Variants in SPOCK3 observed in about 807,000 individuals in gnomAD.
SPOCK3 encodes the protein SPARC (osteonectin), cwcv and kazal like domains proteoglycan 3.
SPOCK3 carries 30 observed loss-of-function variants against 56.6 expected under a neutral mutation model. The observed-to-expected ratio is 0.53, with a 90% CI of 0.40 to 0.72. The LOEUF (loss-of-function observed/expected upper bound fraction) is 0.72. Ranked by LOEUF, SPOCK3 falls within the 30% of genes least tolerant of loss-of-function variation. SPOCK3 has a pLI of 0.00. For synonymous variants in SPOCK3, 196 were observed against 183.3 expected, an observed-to-expected ratio of 1.07 and a Z score of -0.56; for missense variants, 527 against 530.0, an observed-to-expected ratio of 0.99 and a Z score of 0.06.
At chr4:166,856,800 C>A (rs551720161) in intron 6 of SPOCK3, among the ~76,000 whole-genome samples, 7 of 151,394 alleles carry the variant, frequency 4.6e-5, no homozygotes, top group Non-Finnish European at 8.8e-5. Context: ...ATCTATCTAT[C>A]TATCTATCTA....
At chr4:167,209,478 T>G (rs1221384021) in intron 2 of SPOCK3, among the ~76,000 whole-genome samples, 1 of 152,096 alleles carries the variant, frequency 6.6e-6, no homozygotes, top group East Asian at 1.9e-4. Context: ...GGTATGGAAA[T>G]GAATCATGTT....
In SPOCK3 at chr4:166,867,584, G is replaced by A. The variant is rs565556834; in HGVS notation, c.589+21546C>T. On this transcript the variant is annotated intron_variant, in intron 6 of 10. Transcript: ENST00000357545. ...AAAGTTATTTGGCTAAATTTTAAAT[G>A]ATTATTGACTAATGAATTATATTAA... Among the ~76,000 whole-genome samples, 7 of 151,506 alleles carry A rather than the reference G, an allele frequency of 4.6e-5. No individual in the cohort carries two copies. The South Asian group carries it at 1.3e-3, about 27-fold the overall frequency.
chr4:166,955,591 A>G (rs901591295), intron 4 of SPOCK3, among the ~76,000 whole-genome samples: 2 of 145,336 alleles, frequency 1.4e-5, no homozygotes, highest in African/African-American at 5.0e-5. Context: ...ATTATATTAA[A>G]TTTAATATAA....
At chr4:167,148,190 T>A (rs1296565493) in intron 2 of SPOCK3, among the ~76,000 whole-genome samples, 3 of 152,044 alleles carry the variant, frequency 2.0e-5, no homozygotes, top group Non-Finnish European at 4.4e-5. Flanking sequence ...CACGAGACAT[T>A]TTTGATTGTC....
At chr4:166,894,701 G>C (rs1193668461) in intron 5 of SPOCK3, among the ~76,000 whole-genome samples, 1 of 152,016 alleles carries the variant, frequency 6.6e-6, no homozygotes, top group Non-Finnish European at 1.5e-5. Flanking sequence ...CAGATTAACT[G>C]ACCAAGGAGA....
chr4:166,754,756 A>G, intron 7 of SPOCK3, 27 bp from the exon 8 acceptor site: 1 of 1,611,114 alleles, frequency 6.2e-7, no homozygotes, highest in South Asian at 1.1e-5. Context: ...GAAAATGATT[A>G]GTTAAATATG....
chr4:166,806,559 T>C (rs1021654580), intron 6 of SPOCK3, among the ~76,000 whole-genome samples: 1 of 151,976 alleles, frequency 6.6e-6, no homozygotes, highest in Non-Finnish European at 1.5e-5. Flanking sequence ...TTATTTTTTA[T>C]AAAATGAAAT....
chr4:167,116,624 C>CGTATATACTATATACGTAT (rs1355473578), intron 2 of SPOCK3, among the ~76,000 whole-genome samples: 3 of 127,094 alleles, frequency 2.4e-5, no homozygotes, highest in African/African-American at 9.1e-5. Flanking sequence ...TATATATATA[C>CGTATATACTATATACGTAT]ATATATACTA....
At position 167,071,414 on chromosome 4, in the gene SPOCK3, C is replaced by T. The variant is rs547621970; in HGVS notation, c.190-8877G>A. On this transcript the variant is annotated intron_variant, in intron 2 of 10. Coordinates refer to ENST00000357545, the MANE Select transcript of SPOCK3 (RefSeq NM_001040159.2). ...TAGCCCCCCACCCCCTGACAGGCAC[C>T]GGTGTGTGATGTTCCCCACCCTGTG... Among the ~76,000 whole-genome samples, 235 of 151,764 alleles carry T rather than the reference C, an allele frequency of 1.5e-3. 3 individuals are homozygous for T. Among genetic ancestry groups the T allele is most frequent in the Admixed American group, 0.013 (198 of 15,200 alleles).
chr4:167,165,181 CA>C (rs796311140), intron 2 of SPOCK3, among the ~76,000 whole-genome samples: 43 of 152,192 alleles, frequency 2.8e-4, no homozygotes, highest in African/African-American at 8.7e-4. Flanking sequence ...TCACTAAAAA[CA>C]ATTGCAACAA....
intron 6 of SPOCK3, among the ~76,000 whole-genome samples, chr4:166,833,302 AAG>A (rs1746276097): frequency 6.6e-6 from 1 of 152,176 alleles, no homozygotes; most frequent in Admixed American, 6.5e-5. Context: ...TGCACTTAAA[AAG>A]AGTGTGTATT....
chr4:167,029,654 A>G (rs1752075146), intron 3 of SPOCK3, among the ~76,000 whole-genome samples: 1 of 152,058 alleles, frequency 6.6e-6, no homozygotes, highest in Non-Finnish European at 1.5e-5. Flanking sequence ...TGCAGGCATA[A>G]TTGGCTTTCC....
In SPOCK3 at chr4:166,794,181, C is replaced by T. The variant is rs114388164; in HGVS notation, c.590-1892G>A. Among the ~76,000 whole-genome samples the T allele has an allele frequency of 7.6e-3, 1,055 of 137,948 alleles. 14 individuals are homozygous for T. Among genetic ancestry groups the T allele is most frequent in the African/African-American group, 0.027 (1,006 of 36,746 alleles). 90.5% of individuals were successfully genotyped at this position (137,948 alleles called of 152,430 possible). On this transcript the variant is annotated intron_variant, in intron 6 of 10. Transcript: ENST00000357545. ...AAACCATCACTTTTACTGATAAGGTCCACCATGGCTGAGGCTGAGGTGATA... is the reference window on the plus strand; with the variant it reads ...AAACCATCACTTTTACTGATAAGGTTCACCATGGCTGAGGCTGAGGTGATA...
chr4:167,150,298 T>A lies in SPOCK3; in HGVS notation c.189+83687A>T, dbSNP rs1358418171. On this transcript the variant is annotated intron_variant, in intron 2 of 10. Coordinates refer to ENST00000357545, the MANE Select transcript of SPOCK3 (RefSeq NM_001040159.2). The stretch of plus-strand genomic sequence containing the variant: ...GTGTGTAGACTATAAAGACTACTGA[T>A]GGTTTTTTTTTAATGTAAAAATGAA... Among the ~76,000 whole-genome samples, 5 of 152,146 alleles carry A rather than the reference T, an allele frequency of 3.3e-5. No individual in the cohort carries two copies. In the East Asian group the frequency reaches 7.8e-4, roughly 24 times the overall value.
At chr4:167,020,648 G>C (rs1460707368) in intron 3 of SPOCK3, among the ~76,000 whole-genome samples, 1 of 151,948 alleles carries the variant, frequency 6.6e-6, no homozygotes, top group South Asian at 2.1e-4. Context: ...CCAGTGCCTT[G>C]ATCTTGTATT....
At position 166,739,677 on chromosome 4, in the gene SPOCK3, A is replaced by C. The variant is rs572757081; in HGVS notation, c.995-2073T>G. Among the ~76,000 whole-genome samples the C allele has an allele frequency of 2.5e-4, 37 of 147,656 alleles. No homozygotes were observed. The South Asian group carries it at 3.5e-3, about 14-fold the overall frequency. On this transcript the variant is annotated intron_variant, in intron 9 of 10. Coordinates refer to ENST00000357545, the MANE Select transcript of SPOCK3 (RefSeq NM_001040159.2). ...AACACCAGAATATAAGTTCCAGGAG[A>C]TAAGAATATTTTCTTTTATTTTCTG...
intron 3 of SPOCK3, among the ~76,000 whole-genome samples, chr4:167,046,308 TC>T (rs1325411696): frequency 6.6e-6 from 1 of 151,924 alleles, no homozygotes; most frequent in African/African-American, 2.4e-5. Context: ...TGGGTGGTTT[TC>T]TTTTGCATTT....
intron 6 of SPOCK3, among the ~76,000 whole-genome samples, chr4:166,847,647 T>TTATATA (rs147015731): frequency 0.03 from 1,631 of 55,210 alleles, 60 homozygotes; most frequent in Middle Eastern, 0.083. Flanking sequence ...AAATCCTAGT[T>TTATATA]TATATATATA....
At chr4:166,864,913 G>T (rs549715657) in intron 6 of SPOCK3, among the ~76,000 whole-genome samples, 3 of 152,046 alleles carry the variant, frequency 2.0e-5, no homozygotes, top group Non-Finnish European at 4.4e-5. Context: ...AAAAGAGGGA[G>T]CCCTCCCTAA....
Sources: allele counts gnomAD v4.1 joint callset (sites outside exome capture counted in the v4.1 genomes callset), GRCh38; gene constraint gnomAD v4.1.1; transcripts MANE v1.5; gene names NCBI Gene and HGNC (gene_info 2026-07-23, HGNC 2026-07-21).